Variants in MOB1A observed in about 807,000 individuals in gnomAD.
The protein encoded by MOB1A is MOB kinase activator 1A.
Under a neutral mutation model 25.1 loss-of-function variants are expected in MOB1A, and 10 were observed. That is an observed-to-expected ratio of 0.40 (90% CI 0.25 to 0.68). The LOEUF is 0.68. Among genes scored for constraint, MOB1A ranks in the 30% least tolerant of loss-of-function variants. The pLI, the probability that MOB1A is intolerant of heterozygous loss-of-function variation, is 0.40. For missense variants in MOB1A, 177 were observed against 256.3 expected (o/e 0.69, Z 2.11); for synonymous variants, 81 against 79.5 (o/e 1.02, Z -0.10).
intron 1 of MOB1A, among the ~76,000 whole-genome samples, chr2:74,174,641 C>T (rs577367988): frequency 6.6e-6 from 1 of 152,298 alleles, no homozygotes; most frequent in South Asian, 2.1e-4. Context: ...TCCATAAAGT[C>T]TTCCTGCACA....
chr2:74,165,095 G>C (rs1317305003), intron 4 of MOB1A, 123 bp downstream of exon 4: 9 of 601,984 alleles, frequency 1.5e-5, no homozygotes, highest in Non-Finnish European at 2.3e-5. Context: ...CAAGGCAGGA[G>C]GATCACTTGA....
chr2:74,166,462 A>AT (rs769448260), intron 3 of MOB1A, among the ~76,000 whole-genome samples: 1 of 152,256 alleles, frequency 6.6e-6, no homozygotes, highest in Non-Finnish European at 1.5e-5. Flanking sequence ...GTTTATTCCT[A>AT]TAATAAAACA....
chr2:74,165,343 T>C lies in MOB1A; in HGVS notation c.284A>G (p.Tyr95Cys). ...AATATTAGTACCATCTGCCCAGTGA[T>C]ATTCATATCTGAAGAGAAAAATGTT... Reference protein sequence around the residue: ...PVMSAGPRYEYHWADGTNIKK... With the variant: ...PVMSAGPRYECHWADGTNIKK... The change falls in exon 4 of 6, where the codon TAT becomes TGT. Residue 95 changes from tyrosine to cysteine, a missense_variant. Tyr to Cys is a radical substitution (Grantham distance 194, BLOSUM62 -2). Transcript: ENST00000396049. 5 of 1,528,116 alleles carry C rather than the reference T, an allele frequency of 3.3e-6. No homozygotes were observed. The highest frequency in any genetic ancestry group is 4.4e-6 in the Non-Finnish European group (5 of 1,139,354). The allele number at this position is 1,528,116 out of a possible 1,614,324, so 94.7% of individuals were successfully genotyped here.
intron 1 of MOB1A, among the ~76,000 whole-genome samples, chr2:74,176,413 A>T (rs975832289): frequency 6.6e-6 from 1 of 151,840 alleles, no homozygotes; most frequent in African/African-American, 2.4e-5. Context: ...AGATGTGATA[A>T]AGACTTGTAT....
chr2:74,173,517 A>C (rs1008036677), intron 1 of MOB1A, among the ~76,000 whole-genome samples: 1 of 149,398 alleles, frequency 6.7e-6, no homozygotes, highest in African/African-American at 2.5e-5. Context: ...AGTAGCTGGG[A>C]TTATAGGCAT....
At chr2:74,163,184 A>C (rs934034864) in intron 4 of MOB1A, among the ~76,000 whole-genome samples, 14 of 152,218 alleles carry the variant, frequency 9.2e-5, no homozygotes, top group African/African-American at 3.4e-4. Flanking sequence ...CAGTGCAATC[A>C]GATAAGCAAG....
chr2:74,168,096 G>GC (rs761977404), intron 2 of MOB1A, among the ~76,000 whole-genome samples: 71 of 152,198 alleles, frequency 4.7e-4, no homozygotes, highest in Non-Finnish European at 9.0e-4. Context: ...CTGTGATGGT[G>GC]CTACTGCACT....
intron 4 of MOB1A, among the ~76,000 whole-genome samples, chr2:74,161,043 G>C (rs1348280639): frequency 6.6e-6 from 1 of 152,212 alleles, no homozygotes; most frequent in African/African-American, 2.4e-5. Flanking sequence ...CTGGGCGGCA[G>C]AGTGAGACTC....
At chr2:74,173,131 G>A (rs753919973) in intron 1 of MOB1A, 7 of 500,126 alleles carry the variant, frequency 1.4e-5, no homozygotes, top group African/African-American at 3.9e-5. Flanking sequence ...GCAAGACTCA[G>A]TCTCAAAAAA....
At chr2:74,177,139 CCA>C (rs1273709328) in intron 1 of MOB1A, among the ~76,000 whole-genome samples, 5 of 151,960 alleles carry the variant, frequency 3.3e-5, no homozygotes, top group Admixed American at 1.3e-4. Flanking sequence ...ATGATGAAAC[CCA>C]GTCTCCACTA....
intron 4 of MOB1A, among the ~76,000 whole-genome samples, chr2:74,163,481 A>G (rs1274127726): frequency 2.6e-5 from 4 of 152,026 alleles, no homozygotes; most frequent in Non-Finnish European, 5.9e-5. Context: ...TACAAAAAAT[A>G]AACAAAATTA....
Position 74,152,738 on chromosome 2 carries a change from A to G in MOB1A, c.*3830T>C, listed in dbSNP as rs1692691208. 1 of 152,240 alleles carries G rather than the reference A, an allele frequency of 6.6e-6. No individual in the cohort carries two copies. Among genetic ancestry groups the G allele is most frequent in the African/African-American group, 2.4e-5 (1 of 41,462 alleles). 9.4% of individuals were successfully genotyped at this position (152,240 alleles called of 1,614,324 possible). ...CACAACATAAATTTTTATGTAAAGA[A>G]CATTTAAAAATATTTTAGATGGTAA... On this transcript the variant is annotated 3_prime_UTR_variant, in exon 6 of 6. Coordinates refer to ENST00000396049, the MANE Select transcript of MOB1A (RefSeq NM_018221.5).
intron 2 of MOB1A, among the ~76,000 whole-genome samples, chr2:74,170,447 T>C (rs1295407310): frequency 1.3e-5 from 2 of 151,970 alleles, no homozygotes; most frequent in African/African-American, 2.4e-5. Flanking sequence ...CTGAATAAAG[T>C]TTTTTAAAAA....
rs1692720802 is a variant in MOB1A at position 74,153,685 on chromosome 2, A to T, written c.*2883T>A. On this transcript the variant is annotated 3_prime_UTR_variant, in exon 6 of 6. Coordinates refer to ENST00000396049, the MANE Select transcript of MOB1A (RefSeq NM_018221.5). Reference sequence around the variant, plus strand: ...TTTTTGAAGGCCTGAAAATTAAAGCACCATAGGATTAACTGCATAATTTAG... The same window carrying T: ...TTTTTGAAGGCCTGAAAATTAAAGCTCCATAGGATTAACTGCATAATTTAG... 1 of 152,214 alleles carries T rather than the reference A, an allele frequency of 6.6e-6. No homozygotes were observed. The allele number at this position is 152,214 out of a possible 1,614,324, so 9.4% of individuals were successfully genotyped here.
At chr2:74,162,460 T>A (rs1226413459) in intron 4 of MOB1A, among the ~76,000 whole-genome samples, 6 of 151,992 alleles carry the variant, frequency 3.9e-5, no homozygotes, top group Admixed American at 3.9e-4. Flanking sequence ...CCAGCCTGGG[T>A]GACAGAGTGA....
chr2:74,165,649 T>C (rs1693109390), intron 3 of MOB1A, among the ~76,000 whole-genome samples: 1 of 152,180 alleles, frequency 6.6e-6, no homozygotes, highest in Non-Finnish European at 1.5e-5. Context: ...AAGCAGAAGG[T>C]TGCTGAGGGC....
At chr2:74,159,276 A>G (rs777979397) in intron 4 of MOB1A, 22 bp from the exon 5 acceptor site, 2 of 1,605,374 alleles carry the variant, frequency 1.2e-6, no homozygotes, top group African/African-American at 2.7e-5. Context: ...TACACATATG[A>G]AACAATTATT....
chr2:74,154,198 A>C lies in MOB1A; in HGVS notation c.*2370T>G, dbSNP rs1692739178. 6.6e-6 allele frequency: 1 copy of C among 151,728 alleles called. No individual in the cohort carries two copies. Among genetic ancestry groups the C allele is most frequent in the Non-Finnish European group, 1.5e-5 (1 of 68,130 alleles). 9.4% of individuals were successfully genotyped at this position (151,728 alleles called of 1,614,324 possible). The stretch of plus-strand genomic sequence containing the variant: ...ACAGAGTGAGACTCTGTCTCAAAAA[A>C]AAAAAAAAAAAAGATTGATTTCGTC... On this transcript the variant is annotated 3_prime_UTR_variant, in exon 6 of 6. Coordinates refer to ENST00000396049, the MANE Select transcript of MOB1A (RefSeq NM_018221.5).
intron 2 of MOB1A, among the ~76,000 whole-genome samples, chr2:74,168,154 T>C (rs973019331): frequency 7.2e-5 from 11 of 151,960 alleles, no homozygotes; most frequent in African/African-American, 2.4e-4. Flanking sequence ...ATAGCAATAA[T>C]AGTACAAGAT....
Sources: gnomAD v4.1 joint callset for allele counts (sites outside exome capture counted in the v4.1 genomes callset) on GRCh38, gnomAD v4.1.1 for gene constraint, MANE v1.5 for transcripts, NCBI Gene and HGNC (gene_info 2026-07-23, HGNC 2026-07-21) for gene names.